DNAH17: variants seen among roughly 807,000 people sequenced by gnomAD.
DNAH17 encodes the protein axonemal beta dynein heavy chain 17.
Under a neutral mutation model 485.6 loss-of-function variants are expected in DNAH17, and 376 were observed. The observed-to-expected ratio is 0.77, with a 90% confidence interval of 0.71 to 0.84. The LOEUF is 0.84. DNAH17 is among the 40% of genes least tolerant of loss of function. The probability of loss-of-function intolerance (pLI) is 0.00; values close to 1 mark genes in which losing one functional copy is unlikely to be tolerated. For missense variants in DNAH17, 6,370 were observed against 5,839.3 expected (o/e 1.09, Z -2.96); for synonymous variants, 3,031 against 2,405.9 (o/e 1.26, Z -7.60).
Position 78,441,179 on chromosome 17 carries a change from A to C in DNAH17, c.11549T>G (p.Met3850Arg), listed in dbSNP as rs747152730. Residue 3850 changes from methionine to arginine, a missense_variant, in exon 72 of 81, where the codon ATG becomes AGG. Transcript: ENST00000389840. ...YAIKNFVEEK[M>R]GSKFVEGRSV... Reference sequence around the variant, plus strand: ...CCGGCCTTCCACGAACTTGCTGCCCATCTTTTCCTCCACGAAGTTCCTAGG... The same window carrying C: ...CCGGCCTTCCACGAACTTGCTGCCCCTCTTTTCCTCCACGAAGTTCCTAGG... 10 of 1,613,866 alleles carry C rather than the reference A, an allele frequency of 6.2e-6. No individual in the cohort carries two copies. The highest frequency in any genetic ancestry group is 8.5e-6 in the Non-Finnish European group (10 of 1,179,872).
intron 25 of DNAH17, among the ~76,000 whole-genome samples, chr17:78,517,244 A>G (rs2090812073): frequency 6.6e-6 from 1 of 152,190 alleles, no homozygotes; most frequent in African/African-American, 2.4e-5. Context: ...GGGTTTTGCC[A>G]TGTTGGCCAG....
At chr17:78,441,230 A>G (rs2087062300) in intron 71 of DNAH17, 31 bp from the exon 72 acceptor site, 2 of 1,611,594 alleles carry the variant, frequency 1.2e-6, no homozygotes, top group East Asian at 4.5e-5. Flanking sequence ...AGGCAGCGGA[A>G]CCTGAGGCTC....
At position 78,424,138 on chromosome 17, in the gene DNAH17, G is replaced by T. The variant is rs766337802; in HGVS notation, c.13157C>A (p.Thr4386Asn). Residue 4386 changes from threonine (T) to asparagine (N), a missense_variant, in exon 81 of 81, where the codon ACC becomes AAC. Thr to Asn is a moderately conservative substitution (Grantham distance 65). Transcript: ENST00000389840. ...GLFMEGARWD[T>N]QTGVIAEARL... Reference sequence around the variant, plus strand: ...CGCTTCAGCGATGACTCCAGTCTGGGTGTCCCAGCGAGCCCCTGCAGGGAC... The same window carrying T: ...CGCTTCAGCGATGACTCCAGTCTGGTTGTCCCAGCGAGCCCCTGCAGGGAC... 1 of 1,611,868 alleles carries T rather than the reference G, an allele frequency of 6.2e-7. No individual in the cohort carries two copies. Among genetic ancestry groups the T allele is most frequent in the Non-Finnish European group, 8.5e-7 (1 of 1,179,168 alleles).
In DNAH17 at chr17:78,569,150, C is replaced by G. The variant is rs201977037; in HGVS notation, c.1284+16G>C. The G allele has an allele frequency of 6.3e-7, 1 of 1,577,474 alleles. No individual in the cohort carries two copies. The highest frequency in any genetic ancestry group is 8.6e-7 in the Non-Finnish European group (1 of 1,159,538). Reference sequence around the variant, plus strand: ...CTGGGAAGTGGAGGTCAAGATGCACCGAGTTCTGTTTTTACCTCAATGGTC... The same window carrying G: ...CTGGGAAGTGGAGGTCAAGATGCACGGAGTTCTGTTTTTACCTCAATGGTC... On this transcript the variant is annotated intron_variant, in intron 9 of 80. Transcript: ENST00000389840.
chr17:78,480,699 G>C lies in DNAH17; in HGVS notation c.7737C>G (p.Ile2579Met). Residue 2579 changes from isoleucine (I) to methionine (M), a missense_variant, in exon 49 of 81, where the codon ATC (isoleucine) becomes ATG (methionine). Ile to Met is a conservative substitution (Grantham distance 10, BLOSUM62 1). Coordinates refer to ENST00000389840, the MANE Select transcript of DNAH17 (RefSeq NM_173628.4). ...TTCTGCTTACCTGAAGCCTGGAGTC[G>C]ATGGTGAAGGATCCGGAAGTGGGGT... ...CMNPTSGSFT[I>M]DSRLQRHFCV... 2.5e-6 allele frequency: 4 copies of C among 1,613,620 alleles called. No homozygotes were observed. The highest frequency in any genetic ancestry group is 1.1e-5 in the South Asian group (1 of 91,024).
rs74001389 is a variant in DNAH17, at chr17:78,502,484, G to C, written c.5190+107C>G. 7.0e-3 allele frequency: 7,709 copies of C among 1,104,786 alleles called. 366 individuals are homozygous for C. In the African/African-American group the frequency reaches 0.1, roughly 15 times the overall value. The allele number at this position is 1,104,786 out of a possible 1,614,324, so 68.4% of individuals were successfully genotyped here. The stretch of plus-strand genomic sequence containing the variant: ...TGCGGGGCTCAGCCTCCGAGAAGAA[G>C]CCGCTCCAGGTACTCGCCCGGCAGG... On this transcript the variant is annotated intron_variant, in intron 33 of 80. Transcript: ENST00000389840.
At chr17:78,434,439 G>A (rs185857785) in intron 74 of DNAH17, among the ~76,000 whole-genome samples, 1 of 152,270 alleles carries the variant, frequency 6.6e-6, no homozygotes, top group East Asian at 1.9e-4. Context: ...TTTCAGAAAT[G>A]CAATTTTATC....
At position 78,426,530 on chromosome 17, in the gene DNAH17, G is replaced by T. The variant is rs769117936; in HGVS notation, c.12842C>A (p.Thr4281Lys). The T allele has an allele frequency of 1.9e-6, 3 of 1,613,610 alleles. No homozygotes were observed. Among genetic ancestry groups the T allele is most frequent in the Non-Finnish European group, 2.5e-6 (3 of 1,179,766 alleles). Residue 4281 changes from threonine to lysine, a missense_variant, in exon 79 of 81, where the codon ACG becomes AAG. Transcript: ENST00000389840. ...TALFYDTVPD[T>K]WVARAYPSMM... ...GGAGGGGTAGGCCCGGGCCACCCAC[G>T]TATCAGGCACGGTGTCATAGAAGAG...
intron 22 of DNAH17, 139 bp downstream of exon 22, chr17:78,529,333 G>A (rs535805294): frequency 3.5e-6 from 3 of 858,506 alleles, no homozygotes; most frequent in Non-Finnish European, 5.5e-6. Flanking sequence ...GCACCTCCCT[G>A]TTCCATGGGG....
intron 13 of DNAH17, among the ~76,000 whole-genome samples, chr17:78,559,064 A>C (rs2092094413): frequency 6.6e-6 from 1 of 152,100 alleles, no homozygotes; most frequent in South Asian, 2.1e-4. Context: ...GTTCCTTCTC[A>C]ATTTACCCTC....
intron 80 of DNAH17, 193 bp from the exon 81 acceptor site, chr17:78,424,346 C>A: frequency 6.4e-6 from 4 of 628,334 alleles, no homozygotes; most frequent in South Asian, 4.8e-5. Context: ...ACTACCCCGT[C>A]CCGCTGGGCT....
intron 25 of DNAH17, among the ~76,000 whole-genome samples, chr17:78,518,867 G>C (rs651233): frequency 6.6e-6 from 1 of 151,806 alleles, no homozygotes; most frequent in African/African-American, 2.4e-5. Context: ...ATCTCTAAAC[G>C]CTTAGAAATT....
chr17:78,439,042 C>G, intron 73 of DNAH17, 48 bp downstream of exon 73: 1 of 1,590,198 alleles, frequency 6.3e-7, no homozygotes, highest in Non-Finnish European at 8.5e-7. Flanking sequence ...CCCCATTGGC[C>G]ACCTCAGTGC....
chr17:78,559,373 G>A (rs935610099), intron 13 of DNAH17, among the ~76,000 whole-genome samples: 5 of 152,114 alleles, frequency 3.3e-5, no homozygotes, highest in Non-Finnish European at 5.9e-5. Context: ...CTGCCCTCTT[G>A]GCCAATGGCA....
intron 33 of DNAH17, chr17:78,502,191 C>T (rs373845461): frequency 5.2e-5 from 21 of 401,188 alleles, no homozygotes; most frequent in African/African-American, 4.3e-4. Flanking sequence ...ATCAATTATA[C>T]ACACACAGAG....
Position 78,561,771 on chromosome 17 carries a change from C to T in DNAH17, c.1779G>A (p.Leu593=). Residue 593 remains leucine (L), a synonymous_variant, in exon 12 of 81, where the codon CTG becomes CTA. Coordinates refer to ENST00000389840, the MANE Select transcript of DNAH17 (RefSeq NM_173628.4). ...ACACCTCTAGCCTCTCCTGCAGCTC[C>T]AGGCTCCATTTGAGCTGCCCGGCCA... The part of the protein sequence containing the change: ...PPVAGQLKWS[L]ELQERLEVSM... 1 of 1,613,320 alleles carries T rather than the reference C, an allele frequency of 6.2e-7. No individual in the cohort carries two copies. The highest frequency in any genetic ancestry group is 8.5e-7 in the Non-Finnish European group (1 of 1,179,656).
chr17:78,431,457 C>CCCG (rs1555650017), intron 75 of DNAH17, among the ~76,000 whole-genome samples: 5 of 148,196 alleles, frequency 3.4e-5, no homozygotes, highest in African/African-American at 1.1e-4. Context: ...AACCCCCCAC[C>CCCG]CCGAGACTCC....
intron 9 of DNAH17, among the ~76,000 whole-genome samples, chr17:78,567,681 C>T (rs1181343252): frequency 6.6e-6 from 1 of 152,184 alleles, no homozygotes; most frequent in Non-Finnish European, 1.5e-5. Context: ...AATTCTGCTT[C>T]CTCGCCGGTG....
At chr17:78,550,881 C>T (rs148835353) in intron 16 of DNAH17, among the ~76,000 whole-genome samples, 1 of 152,200 alleles carries the variant, frequency 6.6e-6, no homozygotes, top group East Asian at 1.9e-4. Flanking sequence ...TATCAATGAG[C>T]CCTTTCTGAG....
Sources: gnomAD v4.1 joint callset for allele counts (sites outside exome capture counted in the v4.1 genomes callset) on GRCh38, gnomAD v4.1.1 for gene constraint, MANE v1.5 for transcripts, NCBI Gene and HGNC (gene_info 2026-07-23, HGNC 2026-07-21) for gene names.